Variants in WDPCP observed in about 807,000 individuals in gnomAD.
The protein encoded by WDPCP is WD repeat-containing and planar cell polarity effector protein fritz homolog.
A neutral mutation model predicts 93.1 loss-of-function variants in WDPCP; 71 were observed. The observed-to-expected ratio is 0.76, with a 90% CI of 0.63 to 0.93. WDPCP has a LOEUF of 0.93. Ranked by LOEUF, WDPCP falls within the 40% of genes least tolerant of loss-of-function variation. The pLI, the probability that WDPCP is intolerant of heterozygous loss-of-function variation, is 0.00. For synonymous variants in WDPCP, 315 were observed against 315.0 expected (o/e 1.00, Z 0.00); for missense variants, 844 against 887.4 (o/e 0.95, Z 0.62).
At chr2:63,587,337 GT>G (rs1384447431) in intron 1 of WDPCP, among the ~76,000 whole-genome samples, 3 of 152,124 alleles carry the variant, frequency 2.0e-5, no homozygotes, top group Admixed American at 2.0e-4. Flanking sequence ...CTGAGAACCA[GT>G]AACAAAAGAG....
At chr2:63,212,923 C>G (rs1426347868) in intron 14 of WDPCP, among the ~76,000 whole-genome samples, 1 of 152,136 alleles carries the variant, frequency 6.6e-6, no homozygotes, top group East Asian at 1.9e-4. Context: ...GAAGAGCTAA[C>G]TATCCTAAAT....
chr2:63,459,141 A>T (rs1698834162), intron 6 of WDPCP, among the ~76,000 whole-genome samples: 1 of 152,206 alleles, frequency 6.6e-6, no homozygotes, highest in African/African-American at 2.4e-5. Flanking sequence ...AAAACTCTTC[A>T]GGACATTGGT....
At chr2:63,398,322 T>C (rs751864158) in intron 10 of WDPCP, among the ~76,000 whole-genome samples, 12 of 152,172 alleles carry the variant, frequency 7.9e-5, no homozygotes, top group Non-Finnish European at 1.8e-4. Flanking sequence ...CTTTTTAAAA[T>C]TAATCTCAGT....
At chr2:63,690,428 TC>T (rs1668873617) in intron 2 of WDPCP, among the ~76,000 whole-genome samples, 1 of 152,114 alleles carries the variant, frequency 6.6e-6, no homozygotes, top group Admixed American at 6.5e-5. Flanking sequence ...CTTAGGAACA[TC>T]CTAGCCTTCT....
chr2:63,526,755 A>G (rs750753842), intron 1 of WDPCP, among the ~76,000 whole-genome samples: 1 of 152,172 alleles, frequency 6.6e-6, no homozygotes, highest in African/African-American at 2.4e-5. Flanking sequence ...GTCTTCTCCA[A>G]TAACCCCCAT....
At chr2:63,253,287 A>C (rs1680890705) in intron 14 of WDPCP, among the ~76,000 whole-genome samples, 1 of 152,148 alleles carries the variant, frequency 6.6e-6, no homozygotes, top group African/African-American at 2.4e-5. Flanking sequence ...AGAATCCTAG[A>C]AGAAAACCTA....
At chr2:63,692,377 A>C (rs1270369317) in intron 2 of WDPCP, among the ~76,000 whole-genome samples, 1 of 152,188 alleles carries the variant, frequency 6.6e-6, no homozygotes, top group African/African-American at 2.4e-5. Flanking sequence ...TAACTTAGGC[A>C]AGTTAAATGT....
intron 2 of WDPCP, among the ~76,000 whole-genome samples, chr2:63,740,459 G>A (rs1050968141): frequency 2.0e-5 from 3 of 152,054 alleles, no homozygotes; most frequent in Non-Finnish European, 4.4e-5. Flanking sequence ...TCACTTTCAA[G>A]CAATCAAGGC....
chr2:63,556,925 A>C (rs983222760), intron 1 of WDPCP, among the ~76,000 whole-genome samples: 7 of 152,222 alleles, frequency 4.6e-5, no homozygotes, highest in African/African-American at 9.7e-5. Flanking sequence ...ACTAAGCTTC[A>C]TAAGTGAAGG....
intron 2 of WDPCP, chr2:63,751,623 G>A: frequency 2.1e-6 from 1 of 474,704 alleles, no homozygotes; most frequent in Non-Finnish European, 4.1e-6. Flanking sequence ...CAAATCTGTT[G>A]TAATCTGTAG....
intron 3 of WDPCP, among the ~76,000 whole-genome samples, chr2:63,611,470 AG>A (rs1709613552): frequency 6.6e-6 from 1 of 152,236 alleles, no homozygotes. Context: ...TGATTAAACC[AG>A]CCACAATATT....
chr2:63,280,863 A>T (rs1313303862), intron 13 of WDPCP, among the ~76,000 whole-genome samples: 1 of 152,234 alleles, frequency 6.6e-6, no homozygotes, highest in African/African-American at 2.4e-5. Context: ...AAGACCTGAA[A>T]CTATAAAAAT....
chr2:63,772,018 G>A lies in WDPCP; in HGVS notation n.308+41604C>T, dbSNP rs548554775. On this transcript the variant is annotated intron_variant and non_coding_transcript_variant, in intron 2 of 4. Coordinates refer to the WDPCP transcript ENST00000467687. ...TGCTGCGATGAACATATGAGTGCAT[G>A]TGTCTTTTTTGTAGAATGACTTATT... is the stretch of plus-strand genomic sequence containing the variant. 1.1e-3 allele frequency among the ~76,000 whole-genome samples: 172 copies of A among 152,158 alleles called. 2 individuals carry two copies. The highest frequency in any genetic ancestry group is 3.8e-3 in the African/African-American group (158 of 41,558).
chr2:63,165,362 C>G (rs528183924), intron 15 of WDPCP, among the ~76,000 whole-genome samples: 1 of 152,150 alleles, frequency 6.6e-6, no homozygotes, highest in Admixed American at 6.5e-5. Flanking sequence ...GATTTGGTAA[C>G]ACTAAAACAA....
In WDPCP at chr2:63,825,860, T is replaced by C. The variant is rs547737721; in HGVS notation, n.222+1762A>G. 2.4e-4 allele frequency among the ~76,000 whole-genome samples: 37 copies of C among 152,206 alleles called. No individual in the cohort carries two copies. In the South Asian group the frequency reaches 7.7e-3, roughly 32 times the overall value. The stretch of plus-strand genomic sequence containing the variant: ...CAAAGAAGACAAGGAAGAGCAATCT[T>C]ACCAAATATCCAGGAGGAGAATTGG... On this transcript the variant is annotated intron_variant and non_coding_transcript_variant, in intron 1 of 4. Transcript: ENST00000467687.
chr2:63,532,182 A>T (rs1703907831), intron 1 of WDPCP, among the ~76,000 whole-genome samples: 1 of 152,194 alleles, frequency 6.6e-6, no homozygotes, highest in South Asian at 2.1e-4. Context: ...AAAAGAAACA[A>T]ACAAAGCCTC....
chr2:63,571,339 A>T, intron 1 of WDPCP: 1 of 448,818 alleles, frequency 2.2e-6, no homozygotes, highest in Non-Finnish European at 4.4e-6. Flanking sequence ...CATTTTTTTA[A>T]TTGAGAGAAA....
chr2:63,795,625 A>G (rs1409592082), intron 2 of WDPCP, among the ~76,000 whole-genome samples: 1 of 152,142 alleles, frequency 6.6e-6, no homozygotes, highest in South Asian at 2.1e-4. Context: ...AAAGAGAAAG[A>G]AAGAAAAACA....
intron 12 of WDPCP, among the ~76,000 whole-genome samples, chr2:63,337,464 G>A (rs972717142): frequency 6.6e-6 from 1 of 152,118 alleles, no homozygotes; most frequent in Admixed American, 6.5e-5. Flanking sequence ...GCAAAAATCT[G>A]TTGGATATAG....
Sources: gnomAD v4.1 joint callset for allele counts (sites outside exome capture counted in the v4.1 genomes callset) on GRCh38, gnomAD v4.1.1 for gene constraint, MANE v1.5 for transcripts, NCBI Gene and HGNC (gene_info 2026-07-23, HGNC 2026-07-21) for gene names.